ZNF18: variants seen among roughly 807,000 people sequenced by gnomAD.
ZNF18 encodes zinc finger protein 18.
A neutral mutation model predicts 58.1 loss-of-function variants in ZNF18; 42 were observed. The ratio of observed to expected loss-of-function variants is 0.72; its 90% confidence interval spans 0.56 to 0.93. The LOEUF (loss-of-function observed/expected upper bound fraction) is 0.93. Ranked by LOEUF, ZNF18 falls within the 40% of genes least tolerant of loss-of-function variation. The probability of loss-of-function intolerance (pLI) is 0.00; values close to 1 mark genes in which losing one functional copy is unlikely to be tolerated. For synonymous variants in ZNF18, 231 were observed against 239.8 expected (o/e 0.96, Z 0.34); for missense variants, 540 against 644.2 (o/e 0.84, Z 1.75).
the ZNF18 span, among the ~76,000 whole-genome samples, chr17:12,009,710 C>T: frequency 3.9e-5 from 6 of 152,220 alleles, no homozygotes; most frequent in Non-Finnish European, 5.9e-5. Context: ...GCCTCAGCCT[C>T]CCAAAGTGCT....
At chr17:11,982,165 C>T (rs752934845) in intron 6 of ZNF18, among the ~76,000 whole-genome samples, 5 of 152,188 alleles carry the variant, frequency 3.3e-5, no homozygotes, top group Non-Finnish European at 5.9e-5. Context: ...TTGGACTTCC[C>T]AACCTCCAGA....
the ZNF18 span, among the ~76,000 whole-genome samples, chr17:12,020,666 G>C: frequency 6.6e-6 from 1 of 152,136 alleles, no homozygotes; most frequent in South Asian, 2.1e-4. Flanking sequence ...CAAGACAGCT[G>C]TCTGCTTCAC....
At position 11,992,681 on chromosome 17, in the gene ZNF18, T is replaced by G; in HGVS notation, c.149A>C (p.Gln50Pro). ...GGTCTCATGAGGCCCAGACATCACC[T>G]GGTAACGGAACTGCCTGAAAAGCTG... ...ARQLFRQFRY[Q>P]VMSGPHETLK... Residue 50 changes from glutamine (Q) to proline (P), a missense_variant, in exon 2 of 7, where the codon CAG (glutamine) becomes CCG (proline). Gln to Pro is a moderately conservative substitution (Grantham distance 76). Transcript: ENST00000580306. The G allele has an allele frequency of 6.2e-7, 1 of 1,614,224 alleles. No homozygotes were observed. Among genetic ancestry groups the G allele is most frequent in the Non-Finnish European group, 8.5e-7 (1 of 1,180,036 alleles).
At chr17:11,983,191 A>G in intron 6 of ZNF18, 106 bp downstream of exon 6, 1 of 761,154 alleles carries the variant, frequency 1.3e-6, no homozygotes, top group South Asian at 1.6e-5. Flanking sequence ...TAACCAACGT[A>G]ATAGAATATT....
chr17:11,990,536 G>A lies in ZNF18; in HGVS notation c.592C>T (p.Gln198Ter), dbSNP rs1054645173. The change falls in exon 4 of 7, where the codon CAG becomes TAG. Residue 198 changes from glutamine to a stop codon, truncating the protein, a stop_gained. Transcript: ENST00000580306. LOFTEE classifies it high-confidence loss of function. ...TEAELALAAS[Q>*]PARLEERLIR... Reference sequence around the variant, plus strand: ...AGCCTTTCCTCCAGTCGGGCAGGCTGGGAGGCAGCCAGGGCTGAAGTGAGG... The same window carrying A: ...AGCCTTTCCTCCAGTCGGGCAGGCTAGGAGGCAGCCAGGGCTGAAGTGAGG... The A allele has an allele frequency of 6.2e-7, 1 of 1,610,656 alleles. No individual in the cohort carries two copies.
intron 1 of ZNF18, chr17:11,996,834 C>T (rs924285116): frequency 1.3e-5 from 2 of 152,178 alleles, no homozygotes; most frequent in African/African-American, 4.8e-5. Flanking sequence ...CAGGAACCTC[C>T]GAGGCTCACA....
At chr17:11,999,900 C>A (rs1046970218), upstream of ZNF18, among the ~76,000 whole-genome samples, 4 of 152,146 alleles carry the variant, frequency 2.6e-5, no homozygotes, top group Admixed American at 6.5e-5. Flanking sequence ...TCTGTGGGAA[C>A]CTCCAGGCAG....
the ZNF18 span, among the ~76,000 whole-genome samples, chr17:12,013,663 C>G: frequency 2.0e-5 from 3 of 152,160 alleles, no homozygotes; most frequent in Admixed American, 2.0e-4. Context: ...ACATTTCTCT[C>G]CTGCTCATTA....
the ZNF18 span, among the ~76,000 whole-genome samples, chr17:12,017,759 C>T: frequency 1.3e-5 from 2 of 152,028 alleles, no homozygotes; most frequent in Non-Finnish European, 2.9e-5. Flanking sequence ...TGCCTGTAAT[C>T]CCAGCTACTC....
At position 11,991,112 on chromosome 17, in the gene ZNF18, G is replaced by A. The variant is rs1208028865; in HGVS notation, c.439C>T (p.Pro147Ser). 4 of 1,614,116 alleles carry A rather than the reference G, an allele frequency of 2.5e-6. No individual in the cohort carries two copies. The South Asian group carries it at 3.3e-5, about 13-fold the overall frequency. ...TCCACTTCCCCCACTTGGCAGCTTG[G>A]AGATTCCATCTTCTCTGATAAGATG... Reference protein sequence around the residue: ...QDILSEKMESPSCQVGEVEPH... With the variant: ...QDILSEKMESSSCQVGEVEPH... The change falls in exon 3 of 7, where the codon CCA (proline) becomes TCA (serine). Residue 147 changes from proline (P) to serine (S), a missense_variant. By Grantham distance (74) the Pro-to-Ser change is moderately conservative. Coordinates refer to ENST00000580306, the MANE Select transcript of ZNF18 (RefSeq NM_001303281.2).
chr17:12,002,883 G>T, the ZNF18 span, among the ~76,000 whole-genome samples: 5 of 152,196 alleles, frequency 3.3e-5, no homozygotes, highest in East Asian at 7.7e-4. Context: ...GGATATCAGT[G>T]TAAGCTGTGT....
At chr17:12,011,742 C>T in the ZNF18 span, among the ~76,000 whole-genome samples, 6 of 145,188 alleles carry the variant, frequency 4.1e-5, no homozygotes, top group African/African-American at 1.5e-4. Context: ...GTTCTGTCGC[C>T]CAGGCTGGAG....
At chr17:12,002,677 G>A in the ZNF18 span, among the ~76,000 whole-genome samples, 5 of 152,190 alleles carry the variant, frequency 3.3e-5, no homozygotes, top group Admixed American at 6.5e-5. Context: ...AGGACAAGCT[G>A]TTCAAAGAAA....
In ZNF18 at chr17:11,996,467, C is replaced by A. The variant is rs116726089; in HGVS notation, c.-83+964G>T. On this transcript the variant is annotated intron_variant, in intron 1 of 6. Transcript: ENST00000580306. ...TACAGATTTTATAAAATACTTAAAT[C>A]TTTTGTTAGTAATATTATACTCCCA... Among the ~76,000 whole-genome samples, 1,369 of 152,130 alleles carry A rather than the reference C, an allele frequency of 9.0e-3. 22 individuals carry two copies. Among genetic ancestry groups the A allele is most frequent in the African/African-American group, 0.032 (1,310 of 41,510 alleles).
the ZNF18 span, chr17:12,010,625 C>G: frequency 6.5e-6 from 1 of 154,746 alleles, no homozygotes; most frequent in South Asian, 2.0e-4. Flanking sequence ...AGCATGTTGG[C>G]CAGGATGGTC....
At chr17:11,988,742 AC>A (rs1390569970) in intron 4 of ZNF18, among the ~76,000 whole-genome samples, 3 of 152,160 alleles carry the variant, frequency 2.0e-5, no homozygotes, top group Non-Finnish European at 4.4e-5. Context: ...AAATAACTGC[AC>A]CCCATAGCAA....
chr17:12,021,020 C>G, the ZNF18 span: 1 of 1,193,788 alleles, frequency 8.4e-7, no homozygotes, highest in East Asian at 3.4e-5. Flanking sequence ...CGCGGCCGCG[C>G]CGAGATCCCA....
chr17:12,001,873 G>C (rs1350301740), upstream of ZNF18, among the ~76,000 whole-genome samples: 1 of 151,482 alleles, frequency 6.6e-6, no homozygotes, highest in Non-Finnish European at 1.5e-5. Context: ...AAAATCACTA[G>C]TTACTAAAAA....
chr17:11,997,638 C>G (rs1023030887), upstream of ZNF18: 2 of 152,270 alleles, frequency 1.3e-5, no homozygotes, highest in Admixed American at 6.5e-5. Context: ...AGCGAGGTTC[C>G]CGAGCCAACG....
Sources: gnomAD v4.1 joint callset for allele counts (sites outside exome capture counted in the v4.1 genomes callset) on GRCh38, gnomAD v4.1.1 for gene constraint, MANE v1.5 for transcripts, NCBI Gene and HGNC (gene_info 2026-07-23, HGNC 2026-07-21) for gene names.